Variants in CHST11 observed in about 807,000 individuals in gnomAD.
CHST11 encodes C4S-1.
CHST11 carries 9 observed loss-of-function variants against 30.4 expected under a neutral mutation model. The observed-to-expected ratio is 0.30, with a 90% confidence interval of 0.18 to 0.52. The LOEUF is 0.52. Ranked by LOEUF, CHST11 falls within the 20% of genes least tolerant of loss-of-function variation. The pLI is 0.97. For missense variants in CHST11, 348 were observed against 460.6 expected (o/e 0.76, Z 2.24); for synonymous variants, 152 against 187.8 (o/e 0.81, Z 1.56).
chr12:104,463,429 A>G (rs934122025), intron 1 of CHST11, among the ~76,000 whole-genome samples: 2 of 152,094 alleles, frequency 1.3e-5, no homozygotes, highest in Admixed American at 1.3e-4. Context: ...ATCCAATGTG[A>G]GTGATTGAAA....
At chr12:104,515,857 T>C (rs1251635444) in intron 1 of CHST11, among the ~76,000 whole-genome samples, 1 of 152,144 alleles carries the variant, frequency 6.6e-6, no homozygotes, top group Admixed American at 6.5e-5. Flanking sequence ...CGAAGCAAGT[T>C]CAAAAGCCTT....
At chr12:104,609,103 A>G (rs568030210) in intron 2 of CHST11, among the ~76,000 whole-genome samples, 1 of 152,376 alleles carries the variant, frequency 6.6e-6, no homozygotes, top group African/African-American at 2.4e-5. Flanking sequence ...CTGAGTGGTC[A>G]CATATGCTGG....
At chr12:104,565,091 C>T (rs889527713) in intron 1 of CHST11, among the ~76,000 whole-genome samples, 2 of 151,936 alleles carry the variant, frequency 1.3e-5, no homozygotes, top group Non-Finnish European at 2.9e-5. Context: ...ATTTTCCCCC[C>T]AATAAGATAA....
rs2037997506 is a variant in CHST11, at chr12:104,514,169, C to G, written c.118+56640C>G. On this transcript the variant is annotated intron_variant, in intron 1 of 2. Coordinates refer to ENST00000303694, the MANE Select transcript of CHST11 (RefSeq NM_018413.6). ...AGCCTTCCTACAGCAGTTCCCTACT[C>G]CAGGTGGCCACATAGGAGTTCCAGA... 3.0e-6 allele frequency: 3 copies of G among 993,622 alleles called. No homozygotes were observed. The East Asian group carries it at 7.1e-5, about 24-fold the overall frequency. The allele number at this position is 993,622 out of a possible 1,614,324, so 61.6% of individuals were successfully genotyped here.
intron 1 of CHST11, among the ~76,000 whole-genome samples, chr12:104,593,764 G>C (rs10861244): frequency 0.28 from 42,896 of 151,986 alleles, 6,211 homozygotes; most frequent in African/African-American, 0.34. Context: ...GGTGTGATAC[G>C]ACCTACCTCC....
intron 1 of CHST11, among the ~76,000 whole-genome samples, chr12:104,586,111 A>G (rs1272251481): frequency 6.6e-6 from 1 of 152,146 alleles, no homozygotes; most frequent in Non-Finnish European, 1.5e-5. Context: ...GTCACAGTGG[A>G]TTGTACACTG....
chr12:104,458,452 G>C lies in CHST11; in HGVS notation c.118+923G>C, dbSNP rs1206630437. 1.3e-5 allele frequency among the ~76,000 whole-genome samples: 2 copies of C among 152,226 alleles called. No individual in the cohort carries two copies. The highest frequency in any genetic ancestry group is 2.9e-5 in the Non-Finnish European group (2 of 68,040). On this transcript the variant is annotated intron_variant, in intron 1 of 2. Transcript: ENST00000303694. The surrounding 1 kb of genome is among the most constrained non-coding windows in gnomAD (Gnocchi z 5.7). ...ACGTCCGAAATCTGGACTGGGGGAG[G>C]GACGAGGCTCGTCGCTTCCTAGGGG...
At chr12:104,738,429 A>T (rs890238310) in intron 2 of CHST11, among the ~76,000 whole-genome samples, 1 of 152,214 alleles carries the variant, frequency 6.6e-6, no homozygotes, top group Non-Finnish European at 1.5e-5. Context: ...TGCTCTCCCA[A>T]GCTGGAACGG....
intron 2 of CHST11, among the ~76,000 whole-genome samples, chr12:104,735,678 A>C (rs1057422297): frequency 1.3e-5 from 2 of 152,244 alleles, no homozygotes; most frequent in African/African-American, 2.4e-5. Flanking sequence ...CAGTACTTCT[A>C]GAGAAATCAC....
intron 2 of CHST11, among the ~76,000 whole-genome samples, chr12:104,738,312 C>T (rs548921094): frequency 6.4e-4 from 98 of 152,324 alleles, no homozygotes; most frequent in Middle Eastern, 6.8e-3. Flanking sequence ...CTCAAGGCTG[C>T]ACTCCCTGTT....
chr12:104,524,278 A>G (rs571754358), intron 1 of CHST11, among the ~76,000 whole-genome samples: 1 of 152,246 alleles, frequency 6.6e-6, no homozygotes, highest in East Asian at 1.9e-4. Flanking sequence ...TAAATGGGCA[A>G]TTATGGAGTG....
intron 1 of CHST11, among the ~76,000 whole-genome samples, chr12:104,565,430 C>G (rs1188650872): frequency 5.3e-5 from 8 of 151,844 alleles, no homozygotes; most frequent in Non-Finnish European, 1.2e-4. Context: ...CCATGCTGGG[C>G]TAATTTCTGT....
chr12:104,715,493 A>C (rs2040123569), intron 2 of CHST11, among the ~76,000 whole-genome samples: 1 of 152,248 alleles, frequency 6.6e-6, no homozygotes, highest in Non-Finnish European at 1.5e-5. Context: ...CCGGCTGCCA[A>C]GCTAAACACT....
At chr12:104,645,949 C>G (rs1275640498) in intron 2 of CHST11, among the ~76,000 whole-genome samples, 1 of 152,220 alleles carries the variant, frequency 6.6e-6, no homozygotes, top group Non-Finnish European at 1.5e-5. Flanking sequence ...GTGGCTTCAG[C>G]AAACATGTTC....
chr12:104,500,921 A>G (rs1459649534), intron 1 of CHST11, among the ~76,000 whole-genome samples: 14 of 152,266 alleles, frequency 9.2e-5, no homozygotes, highest in African/African-American at 3.4e-4. Flanking sequence ...TGATCTCTGT[A>G]GGATCACGGG....
intron 2 of CHST11, among the ~76,000 whole-genome samples, chr12:104,641,357 A>T (rs1043083547): frequency 6.6e-6 from 1 of 152,034 alleles, no homozygotes; most frequent in African/African-American, 2.4e-5. Context: ...GCACTGTAAC[A>T]CTTCTTCCGG....
chr12:104,583,874 A>G (rs2038774676), intron 1 of CHST11, among the ~76,000 whole-genome samples: 1 of 151,964 alleles, frequency 6.6e-6, no homozygotes, highest in East Asian at 1.9e-4. Flanking sequence ...CACCACACCC[A>G]GCTAATTTTT....
intron 2 of CHST11, among the ~76,000 whole-genome samples, chr12:104,669,803 C>T (rs2039673870): frequency 6.6e-6 from 1 of 152,210 alleles, no homozygotes; most frequent in Non-Finnish European, 1.5e-5. Context: ...TGGAGGCCAG[C>T]CTGCCCGTGT....
At chr12:104,723,730 C>T (rs1392204890) in intron 2 of CHST11, among the ~76,000 whole-genome samples, 3 of 152,212 alleles carry the variant, frequency 2.0e-5, no homozygotes, top group Non-Finnish European at 4.4e-5. Flanking sequence ...AAGTGGCCCT[C>T]CCTGGAAAGG....
Sources: gnomAD v4.1 joint callset for allele counts (sites outside exome capture counted in the v4.1 genomes callset) on GRCh38, gnomAD v4.1.1 for gene constraint, Gnocchi (gnomAD v3.1) non-coding constraint, MANE v1.5 for transcripts, NCBI Gene and HGNC (gene_info 2026-07-23, HGNC 2026-07-21) for gene names.